The following NRAP variants were observed in gnomAD, a reference collection of about 807,000 sequenced individuals.
NRAP encodes the protein nebulin-related-anchoring protein.
NRAP carries 189 observed loss-of-function variants against 225.9 expected under a neutral mutation model. The ratio of observed to expected loss-of-function variants is 0.84; its 90% CI spans 0.74 to 0.94. The LOEUF (loss-of-function observed/expected upper bound fraction) is 0.94. Ranked by LOEUF, NRAP falls within the 40% of genes least tolerant of loss-of-function variation. The pLI is 0.00. For synonymous variants in NRAP, 769 were observed against 790.7 expected (o/e 0.97, Z 0.46); for missense variants, 2,176 against 2,168.7 (o/e 1.00, Z -0.07).
At chr10:113,636,791 G>A (rs1222110426) in intron 14 of NRAP, among the ~76,000 whole-genome samples, 17 of 151,980 alleles carry the variant, frequency 1.1e-4, no homozygotes, top group Admixed American at 1.0e-3. Flanking sequence ...GGAGGATCAC[G>A]AGGTAGGGAG....
chr10:113,628,591 G>GA (rs1284694676), intron 20 of NRAP, among the ~76,000 whole-genome samples: 1 of 152,170 alleles, frequency 6.6e-6, no homozygotes, highest in Admixed American at 6.5e-5. Context: ...TGGACTTTCT[G>GA]ATTCAAAAGG....
At position 113,654,092 on chromosome 10, in the gene NRAP, C is replaced by T; in HGVS notation, c.394G>A (p.Ala132Thr). The change falls in exon 5 of 42, where the codon GCT becomes ACT. Residue 132 changes from alanine to threonine, a missense_variant. By Grantham distance (58) the Ala-to-Thr change is moderately conservative. Coordinates refer to ENST00000359988, the MANE Select transcript of NRAP (RefSeq NM_198060.4). ...AYWTGYGEGN[A>T]WCPGALPDPE... ...TCTGGCAGAGCTCCTGGGCACCAAG[C>T]ATTCCCTTCCCCATATCCAGTCCAA... 1 of 1,613,646 alleles carries T rather than the reference C, an allele frequency of 6.2e-7. No homozygotes were observed. Among genetic ancestry groups the T allele is most frequent in the Admixed American group, 1.7e-5 (1 of 60,024 alleles).
At position 113,589,049 on chromosome 10, in the gene NRAP, G is replaced by T; in HGVS notation, c.5119C>A (p.His1707Asn). ...RGAEAVEAGD[H>N]QSGEVNPDAT... Reference sequence around the variant, plus strand: ...TCTGGGTTCACCTCCCCACTCTGATGATCTCCAGCCTCCACTGCTTCTGCC... The same window carrying T: ...TCTGGGTTCACCTCCCCACTCTGATTATCTCCAGCCTCCACTGCTTCTGCC... Residue 1707 changes from histidine to asparagine, a missense_variant, in exon 42 of 42, where the codon CAT becomes AAT. By Grantham distance (68) the His-to-Asn change is moderately conservative. Around this residue, in one of 3 missense-constraint regions of NRAP, gnomAD observed 445 missense variants for 426.1 expected, o/e 1.04. Coordinates refer to ENST00000359988, the MANE Select transcript of NRAP (RefSeq NM_198060.4). 6.2e-7 allele frequency: 1 copy of T among 1,613,964 alleles called. No individual in the cohort carries two copies. The highest frequency in any genetic ancestry group is 8.5e-7 in the Non-Finnish European group (1 of 1,179,976).
chr10:113,607,473 T>TGGGTCTA (rs1847067245), intron 32 of NRAP, among the ~76,000 whole-genome samples: 1 of 107,156 alleles, frequency 9.3e-6, no homozygotes, highest in Non-Finnish European at 2.0e-5. Context: ...AAAAAAGAAA[T>TGGGTCTA]GGGTCTATGG....
chr10:113,631,962 A>C lies in NRAP; in HGVS notation c.1635T>G (p.Val545=). 1 of 1,584,354 alleles carries C rather than the reference A, an allele frequency of 6.3e-7. No individual in the cohort carries two copies. ...TCTTCTCCCAGCCTTCTTTATACTTAACCTGACAAACAAAACCACAAGTGA... is the reference window on the plus strand; with the variant it reads ...TCTTCTCCCAGCCTTCTTTATACTTCACCTGACAAACAAAACCACAAGTGA... ...AKTNAKLFSE[V]KYKEGWEKTK... is the part of the protein sequence containing the mutation. The change falls in exon 17 of 42, where the codon GTT becomes GTG. Residue 545 remains valine, a splice_region_variant and synonymous_variant. Coordinates refer to ENST00000359988, the MANE Select transcript of NRAP (RefSeq NM_198060.4).
At chr10:113,651,545 T>C (rs1849969249) in intron 7 of NRAP, among the ~76,000 whole-genome samples, 1 of 152,058 alleles carries the variant, frequency 6.6e-6, no homozygotes, top group Admixed American at 6.5e-5. Flanking sequence ...CCTGTGTCCA[T>C]GTGTTCTCAT....
At chr10:113,592,750 C>T (rs137984456) in intron 38 of NRAP, among the ~76,000 whole-genome samples, 257 of 152,302 alleles carry the variant, frequency 1.7e-3, no homozygotes, top group African/African-American at 5.9e-3. Flanking sequence ...CACTGACATC[C>T]GGAGGGGCCT....
chr10:113,593,815 T>G (rs575708359), intron 38 of NRAP, among the ~76,000 whole-genome samples: 68 of 152,352 alleles, frequency 4.5e-4, no homozygotes, highest in Middle Eastern at 3.4e-3. Flanking sequence ...GCACCAGATC[T>G]GGGCTGGTTA....
intron 14 of NRAP, among the ~76,000 whole-genome samples, chr10:113,639,031 A>G (rs1849040824): frequency 1.3e-5 from 2 of 151,508 alleles, no homozygotes; most frequent in Non-Finnish European, 2.9e-5. Flanking sequence ...CTGCAAAAGC[A>G]CATATTCAAA....
At chr10:113,619,995 A>T (rs886440913) in intron 25 of NRAP, among the ~76,000 whole-genome samples, 1 of 152,170 alleles carries the variant, frequency 6.6e-6, no homozygotes, top group Non-Finnish European at 1.5e-5. Context: ...CCCACGACAA[A>T]GAAAAATCAA....
At chr10:113,655,975 C>T (rs2134190634) in intron 4 of NRAP, among the ~76,000 whole-genome samples, 1 of 152,254 alleles carries the variant, frequency 6.6e-6, no homozygotes. Flanking sequence ...CTCCTCTCAG[C>T]CAAGGACATT....
intron 35 of NRAP, among the ~76,000 whole-genome samples, chr10:113,602,081 T>C (rs1400468963): frequency 6.6e-6 from 1 of 152,204 alleles, no homozygotes; most frequent in African/African-American, 2.4e-5. Context: ...TTTCATCATG[T>C]TGCCCAGGCT....
chr10:113,606,978 G>A (rs1467034134), intron 32 of NRAP, among the ~76,000 whole-genome samples: 2 of 152,028 alleles, frequency 1.3e-5, no homozygotes, highest in African/African-American at 4.8e-5. Flanking sequence ...TGAGGTGGAT[G>A]GATCATCTAA....
At chr10:113,605,737 T>C (rs1846916027) in intron 34 of NRAP, 25 bp downstream of exon 34, 1 of 1,446,288 alleles carries the variant, frequency 6.9e-7, no homozygotes, top group African/African-American at 1.4e-5. Flanking sequence ...TTAGGCAAGA[T>C]GGAAGGTCAT....
intron 16 of NRAP, 70 bp downstream of exon 16, chr10:113,633,014 C>T: frequency 2.4e-6 from 2 of 840,400 alleles, no homozygotes; most frequent in African/African-American, 1.7e-5. Context: ...ACTTGCTGGA[C>T]CATCCTGTTA....
At chr10:113,618,549 C>G (rs1847800915) in intron 25 of NRAP, among the ~76,000 whole-genome samples, 1 of 152,382 alleles carries the variant, frequency 6.6e-6, no homozygotes, top group East Asian at 1.9e-4. Flanking sequence ...TATTTACTAT[C>G]TGGTCCTTCA....
intron 30 of NRAP, among the ~76,000 whole-genome samples, chr10:113,611,521 G>T (rs182911046): frequency 3.3e-4 from 51 of 152,316 alleles, no homozygotes; most frequent in African/African-American, 1.2e-3. Context: ...TGGGAGTGAG[G>T]AAGTCTCCAA....
intron 37 of NRAP, 119 bp from the exon 38 acceptor site, chr10:113,595,846 C>T (rs1846259418): frequency 6.6e-6 from 4 of 606,944 alleles, no homozygotes. Context: ...TAGAACAGAA[C>T]CCAGTCCTGC....
At chr10:113,634,447 A>T (rs778863384) in intron 14 of NRAP, among the ~76,000 whole-genome samples, 23 of 152,204 alleles carry the variant, frequency 1.5e-4, no homozygotes, top group Non-Finnish European at 2.8e-4. Context: ...GCCAGTGAAC[A>T]TACAGAAAGA....
Sources: allele counts gnomAD v4.1 joint callset (sites outside exome capture counted in the v4.1 genomes callset), GRCh38; gene constraint gnomAD v4.1.1; regional missense constraint gnomAD v4.1.1; transcripts MANE v1.5; gene names NCBI Gene and HGNC (gene_info 2026-07-23, HGNC 2026-07-21).